The following ORC4 variants were observed in gnomAD, a reference collection of about 807,000 sequenced individuals.
ORC4 encodes the protein origin recognition complex subunit 4, also known as origin recognition complex, subunit 4 homolog.
In ORC4, 55 loss-of-function variants were observed where a neutral mutation model predicts 63.9. That is an observed-to-expected ratio of 0.86 (90% confidence interval 0.69 to 1.08). ORC4 has a LOEUF of 1.08. Ranked by LOEUF, ORC4 falls within the 50% of genes least tolerant of loss-of-function variation. The pLI, the probability that ORC4 is intolerant of heterozygous loss-of-function variation, is 0.00. For synonymous variants in ORC4, 150 were observed against 168.5 expected, an observed-to-expected ratio of 0.89 and a Z score of 0.85; for missense variants, 511 against 504.4, an observed-to-expected ratio of 1.01 and a Z score of -0.13.
intron 1 of ORC4, among the ~76,000 whole-genome samples, chr2:148,006,506 C>T (rs1692642728): frequency 6.6e-6 from 1 of 152,146 alleles, no homozygotes; most frequent in Non-Finnish European, 1.5e-5. Flanking sequence ...TGAGGCACCC[C>T]TCCCCAACTA....
In ORC4 at chr2:147,932,773, G is replaced by C. The variant is rs769938247; in HGVS notation, c.*2737C>G. 2.6e-5 allele frequency: 4 copies of C among 152,072 alleles called. No homozygotes were observed. The highest frequency in any genetic ancestry group is 7.2e-5 in the African/African-American group (3 of 41,404). 9.4% of individuals were successfully genotyped at this position (152,072 alleles called of 1,614,324 possible). A position where few individuals can be genotyped will look rare whatever the true frequency, so the allele number is the denominator to read the frequency against. On this transcript the variant is annotated 3_prime_UTR_variant, in exon 14 of 14. Coordinates refer to ENST00000392857, the MANE Select transcript of ORC4 (RefSeq NM_181741.4). Reference sequence around the variant, plus strand: ...TTTTCTAGGGTAAAGGTGAAGGATGGGGCAGCACTTAGGTTATGGTGGTTT... The same window carrying C: ...TTTTCTAGGGTAAAGGTGAAGGATGCGGCAGCACTTAGGTTATGGTGGTTT...
chr2:147,942,238 T>G (rs2105268101), intron 10 of ORC4, among the ~76,000 whole-genome samples: 1 of 152,236 alleles, frequency 6.6e-6, no homozygotes, highest in South Asian at 2.1e-4. Context: ...GACCTTTCTA[T>G]GAAACCAAAA....
chr2:147,954,614 T>C (rs187634247), intron 7 of ORC4, among the ~76,000 whole-genome samples: 231 of 152,240 alleles, frequency 1.5e-3, no homozygotes, highest in Non-Finnish European at 8.5e-4. Context: ...ATGTGGCACA[T>C]GACTGTACAT....
chr2:147,978,339 G>C (rs1010829405), intron 1 of ORC4, among the ~76,000 whole-genome samples: 2 of 152,192 alleles, frequency 1.3e-5, no homozygotes, highest in Non-Finnish European at 2.9e-5. Flanking sequence ...ATATGCTATG[G>C]GACAGAGATT....
At chr2:147,938,040 T>A in intron 13 of ORC4, 106 bp downstream of exon 13, 1 of 788,414 alleles carries the variant, frequency 1.3e-6, no homozygotes, top group Admixed American at 2.3e-5. Flanking sequence ...AAAAAATCTC[T>A]ATAATACTTA....
At chr2:147,977,409 G>T (rs890693717) in intron 1 of ORC4, among the ~76,000 whole-genome samples, 4 of 152,184 alleles carry the variant, frequency 2.6e-5, no homozygotes, top group Non-Finnish European at 5.9e-5. Context: ...ATAATAATGC[G>T]AGAATGACAG....
At chr2:147,959,647 CT>C (rs1689472274) in intron 4 of ORC4, among the ~76,000 whole-genome samples, 1 of 151,952 alleles carries the variant, frequency 6.6e-6, no homozygotes, top group Non-Finnish European at 1.5e-5. Flanking sequence ...AACACCTTAT[CT>C]AAAAAGAAAA....
At chr2:147,993,042 G>A (rs796153950) in intron 1 of ORC4, among the ~76,000 whole-genome samples, 8 of 152,312 alleles carry the variant, frequency 5.3e-5, no homozygotes, top group African/African-American at 1.9e-4. Flanking sequence ...GCTGCACAGA[G>A]AGGCCAAGAA....
intron 1 of ORC4, among the ~76,000 whole-genome samples, chr2:148,019,949 A>T (rs1053587594): frequency 1.3e-5 from 2 of 152,202 alleles, no homozygotes; most frequent in Non-Finnish European, 2.9e-5. Flanking sequence ...ACTTGACAAA[A>T]CAGTCCTTTT....
chr2:148,003,201 C>A (rs901886092), intron 1 of ORC4, among the ~76,000 whole-genome samples: 1 of 152,168 alleles, frequency 6.6e-6, no homozygotes, highest in African/African-American at 2.4e-5. Context: ...GAGCTGGTAC[C>A]ATTCCTTCTG....
chr2:147,984,470 A>G (rs1169707837), intron 1 of ORC4, among the ~76,000 whole-genome samples: 1 of 152,184 alleles, frequency 6.6e-6, no homozygotes, highest in Admixed American at 6.5e-5. Context: ...GTAGGCTATT[A>G]ACAGTTAAGT....
intron 1 of ORC4, among the ~76,000 whole-genome samples, chr2:148,001,291 A>T (rs912725905): frequency 1.3e-5 from 2 of 152,176 alleles, no homozygotes; most frequent in Non-Finnish European, 2.9e-5. Flanking sequence ...AAAGAAAAAG[A>T]GAAAGAGAAG....
intron 1 of ORC4, among the ~76,000 whole-genome samples, chr2:148,014,444 G>A (rs1693144331): frequency 6.6e-6 from 1 of 152,018 alleles, no homozygotes; most frequent in South Asian, 2.1e-4. Flanking sequence ...CTAGAAAAAT[G>A]TACCTTCTTA....
chr2:148,004,950 T>C (rs1692533120), intron 1 of ORC4, among the ~76,000 whole-genome samples: 2 of 152,342 alleles, frequency 1.3e-5, no homozygotes, highest in South Asian at 2.1e-4. Context: ...GCTTTTACAC[T>C]GTTGGTGGGA....
In ORC4 at chr2:147,973,444, TTACTTGTATTG is replaced by T; in HGVS notation, c.127_134+3del. 6.4e-7 allele frequency: 1 copy of T among 1,570,342 alleles called. No homozygotes were observed. The highest frequency in any genetic ancestry group is 8.8e-7 in the Non-Finnish European group (1 of 1,140,422). On this transcript the variant is annotated splice_donor_variant and splice_donor_region_variant and coding_sequence_variant and intron_variant, in exon 3 of 14. Coordinates refer to ENST00000392857, the MANE Select transcript of ORC4 (RefSeq NM_181741.4). LOFTEE classifies it high-confidence loss of function. ...ATAACAGTCAAGAGGACAGCTAGAC[TTACTTGTATTG>T]TACTTGCACTCCAAATAGGTTACTA... is the stretch of plus-strand genomic sequence containing the variant.
At chr2:148,016,349 C>G (rs1319205827) in intron 1 of ORC4, among the ~76,000 whole-genome samples, 1 of 152,214 alleles carries the variant, frequency 6.6e-6, no homozygotes, top group Non-Finnish European at 1.5e-5. Context: ...TGATCCACTA[C>G]AGCTTTCTGA....
intron 1 of ORC4, among the ~76,000 whole-genome samples, chr2:148,003,027 C>G (rs1421119510): frequency 6.6e-6 from 1 of 152,166 alleles, no homozygotes; most frequent in African/African-American, 2.4e-5. Flanking sequence ...TGGATGAATT[C>G]CTGGACACAG....
At chr2:147,945,035 C>T (rs1688581505) in intron 9 of ORC4, among the ~76,000 whole-genome samples, 1 of 151,958 alleles carries the variant, frequency 6.6e-6, no homozygotes, top group Admixed American at 6.6e-5. Flanking sequence ...TTTAGCTTTT[C>T]CAGTTTTAAA....
rs1320537820 is a variant in ORC4 at position 147,958,820 on chromosome 2, C to T, written c.272G>A (p.Ser91Asn). The change falls in exon 5 of 14, where the codon AGT (serine) becomes AAT (asparagine). Residue 91 changes from serine (S) to asparagine (N), a missense_variant. Coordinates refer to ENST00000392857, the MANE Select transcript of ORC4 (RefSeq NM_181741.4). ...TAAGTGAACTTGTAATACATTTTCA[C>T]TCACTTCTTCTATTTCCATGAGTTC... Reference protein sequence around the residue: ...LKELMEIEEVSENVLQVHLNG... With the variant: ...LKELMEIEEVNENVLQVHLNG... 2.1e-6 allele frequency: 3 copies of T among 1,463,270 alleles called. No individual in the cohort carries two copies. Among genetic ancestry groups the T allele is most frequent in the Admixed American group, 3.4e-5 (2 of 59,568 alleles). 90.6% of individuals were successfully genotyped at this position (1,463,270 alleles called of 1,614,324 possible).
Sources: allele counts gnomAD v4.1 joint callset (sites outside exome capture counted in the v4.1 genomes callset), GRCh38; gene constraint gnomAD v4.1.1; transcripts MANE v1.5; gene names NCBI Gene and HGNC (gene_info 2026-07-23, HGNC 2026-07-21).